The following XIRP2 variants were observed in gnomAD, a reference collection of about 807,000 sequenced individuals.
XIRP2 encodes xin actin binding repeat containing 2.
A neutral mutation model predicts 277.0 loss-of-function variants in XIRP2; 236 were observed. The ratio of observed to expected loss-of-function variants is 0.85; its 90% CI spans 0.77 to 0.95. The LOEUF is 0.95. Among genes scored for constraint, XIRP2 ranks in the 40% least tolerant of loss-of-function variants. XIRP2 has a pLI of 0.00. For synonymous variants in XIRP2, 1,490 were observed against 1,416.5 expected, an observed-to-expected ratio of 1.05 and a Z score of -1.17; for missense variants, 4,640 against 4,157.5, an observed-to-expected ratio of 1.12 and a Z score of -3.19.
At chr2:167,162,994 A>G (rs1388015706) in intron 3 of XIRP2, among the ~76,000 whole-genome samples, 1 of 152,140 alleles carries the variant, frequency 6.6e-6, no homozygotes, top group Non-Finnish European at 1.5e-5. Context: ...AATGTTGTTT[A>G]TATCAGAAGG....
rs150774982 is a variant in XIRP2 at position 166,947,170 on chromosome 2, A to C, written c.408+43280A>C. Among the ~76,000 whole-genome samples, 1,065 of 152,328 alleles carry C rather than the reference A, an allele frequency of 7.0e-3. 17 individuals are homozygous for C. The highest frequency in any genetic ancestry group is 0.024 in the African/African-American group (1,006 of 41,584). Reference sequence around the variant, plus strand: ...CAATACTGCATTATGTTTTCAAAAAAAAGGTGGCATTTAAAACACTTTTGA... The same window carrying C: ...CAATACTGCATTATGTTTTCAAAAACAAGGTGGCATTTAAAACACTTTTGA... On this transcript the variant is annotated intron_variant, in intron 2 of 10. Transcript: ENST00000409195.
At chr2:166,956,292 G>T (rs1686159658) in intron 2 of XIRP2, among the ~76,000 whole-genome samples, 1 of 151,796 alleles carries the variant, frequency 6.6e-6, no homozygotes, top group Non-Finnish European at 1.5e-5. Flanking sequence ...TAAATAGCTA[G>T]CAGTGAAGTT....
chr2:167,124,713 G>A (rs1691150736), intron 2 of XIRP2, among the ~76,000 whole-genome samples: 1 of 152,140 alleles, frequency 6.6e-6, no homozygotes, highest in East Asian at 1.9e-4. Flanking sequence ...TTCTTAGCTG[G>A]GGCATTTGGG....
At chr2:167,144,016 T>C (rs544992622) in intron 3 of XIRP2, among the ~76,000 whole-genome samples, 1 of 152,240 alleles carries the variant, frequency 6.6e-6, no homozygotes, top group Non-Finnish European at 1.5e-5. Context: ...AGACATTTAA[T>C]ATTAGAAATA....
At chr2:167,194,503 A>G (rs528915655) in intron 3 of XIRP2, among the ~76,000 whole-genome samples, 2 of 152,074 alleles carry the variant, frequency 1.3e-5, no homozygotes, top group Admixed American at 1.3e-4. Context: ...CATCTGAACT[A>G]TTTTCTGTAA....
At chr2:167,182,556 T>G (rs1573939266) in intron 3 of XIRP2, among the ~76,000 whole-genome samples, 4 of 152,290 alleles carry the variant, frequency 2.6e-5, no homozygotes, top group Admixed American at 2.6e-4. Context: ...TAGATTAAGG[T>G]CAGGATAAAT....
Position 167,007,007 on chromosome 2 carries a change from A to T in XIRP2, c.408+103117A>T, listed in dbSNP as rs571888410. Among the ~76,000 whole-genome samples, 8 of 151,834 alleles carry T rather than the reference A, an allele frequency of 5.3e-5. No homozygotes were observed. The South Asian group carries it at 1.7e-3, about 31-fold the overall frequency. On this transcript the variant is annotated intron_variant, in intron 2 of 10. Transcript: ENST00000409195. ...GAATTAAAACCCTCAGATATACCATACTAAAGGAAAAGCACCTGGTACAGT... is the reference window on the plus strand; with the variant it reads ...GAATTAAAACCCTCAGATATACCATTCTAAAGGAAAAGCACCTGGTACAGT...
Position 167,240,389 on chromosome 2 carries a change from C to T in XIRP2, c.970-275C>T, listed in dbSNP as rs534128079. Among the ~76,000 whole-genome samples the T allele has an allele frequency of 9.2e-5, 14 of 151,724 alleles. 1 individual carries two copies. Among genetic ancestry groups the T allele is most frequent in the African/African-American group, 2.7e-4 (11 of 41,374 alleles). ...GAGTTCGCGCCATTGCACTCCAGCCCGGGTGACAGTGCAAGACTCCTTCTC... is the reference window on the plus strand; with the variant it reads ...GAGTTCGCGCCATTGCACTCCAGCCTGGGTGACAGTGCAAGACTCCTTCTC... On this transcript the variant is annotated intron_variant, in intron 6 of 10. Transcript: ENST00000409195.
intron 2 of XIRP2, among the ~76,000 whole-genome samples, chr2:166,946,525 A>G (rs1382790893): frequency 1.3e-5 from 2 of 152,166 alleles, no homozygotes; most frequent in Non-Finnish European, 2.9e-5. Flanking sequence ...TATAGAAACA[A>G]CCAGATATGT....
intron 2 of XIRP2, among the ~76,000 whole-genome samples, chr2:166,962,021 C>T (rs1259944408): frequency 1.3e-5 from 2 of 151,484 alleles, no homozygotes. Flanking sequence ...GAAAAAGAGA[C>T]AATGAGTGGC....
At position 167,245,114 on chromosome 2, in the gene XIRP2, G is replaced by A. The variant is rs1695208369; in HGVS notation, c.3722G>A (p.Trp1241Ter). ...IQKGNVLNCR[W>*]LFENQPIDKI... ...AAAGGCAATGTTTTAAATTGTAGGT[G>A]GCTTTTTGAAAACCAACCAATTGAT... Residue 1241 changes from tryptophan to a stop codon, truncating the protein, a stop_gained, in exon 9 of 11, where the codon TGG becomes TAG. Coordinates refer to ENST00000409195, the MANE Select transcript of XIRP2 (RefSeq NM_152381.6). LOFTEE classifies it high-confidence loss of function. The A allele has an allele frequency of 6.2e-7, 1 of 1,610,504 alleles. No homozygotes were observed. Among genetic ancestry groups the A allele is most frequent in the Non-Finnish European group, 8.5e-7 (1 of 1,179,008 alleles).
intron 2 of XIRP2, among the ~76,000 whole-genome samples, chr2:166,974,606 A>T (rs1686663068): frequency 6.6e-6 from 1 of 152,060 alleles, no homozygotes; most frequent in Non-Finnish European, 1.5e-5. Flanking sequence ...AATGATAAAT[A>T]TTGCAAACAG....
intron 2 of XIRP2, among the ~76,000 whole-genome samples, chr2:167,106,085 C>T (rs12105903): frequency 0.29 from 44,448 of 150,954 alleles, 8,989 homozygotes; most frequent in African/African-American, 0.57. Flanking sequence ...TCACTTGACA[C>T]ATATGTGATT....
chr2:167,161,667 C>T (rs1238059825), intron 3 of XIRP2, among the ~76,000 whole-genome samples: 1 of 152,212 alleles, frequency 6.6e-6, no homozygotes, highest in African/African-American at 2.4e-5. Context: ...CTTTTTCCTC[C>T]TGCACCTCTG....
At chr2:166,958,926 C>A (rs969483292) in intron 2 of XIRP2, among the ~76,000 whole-genome samples, 1 of 151,752 alleles carries the variant, frequency 6.6e-6, no homozygotes, top group Non-Finnish European at 1.5e-5. Flanking sequence ...TCTATTCCAA[C>A]CTCTTCTTTG....
intron 2 of XIRP2, among the ~76,000 whole-genome samples, chr2:167,064,629 G>A (rs1020444107): frequency 2.0e-5 from 3 of 151,788 alleles, no homozygotes; most frequent in Non-Finnish European, 4.4e-5. Context: ...TTTTTCAAAT[G>A]AAATTTCTAT....
intron 2 of XIRP2, among the ~76,000 whole-genome samples, chr2:166,909,952 G>A (rs566598093): frequency 6.6e-6 from 1 of 152,276 alleles, no homozygotes; most frequent in East Asian, 1.9e-4. Context: ...TTGCATCCCA[G>A]GGATGAAGCC....
chr2:166,981,797 C>T (rs1237415649), intron 2 of XIRP2, among the ~76,000 whole-genome samples: 3 of 152,132 alleles, frequency 2.0e-5, no homozygotes, highest in Non-Finnish European at 4.4e-5. Context: ...ATACGAAGAC[C>T]CTATTTCCAA....
At chr2:167,079,984 A>G (rs1689684677) in intron 2 of XIRP2, among the ~76,000 whole-genome samples, 1 of 151,098 alleles carries the variant, frequency 6.6e-6, no homozygotes, top group Non-Finnish European at 1.5e-5. Context: ...TAGATTTTTA[A>G]TTTGAGATCT....
Sources: gnomAD v4.1 joint callset for allele counts (sites outside exome capture counted in the v4.1 genomes callset) on GRCh38, gnomAD v4.1.1 for gene constraint, MANE v1.5 for transcripts, NCBI Gene and HGNC (gene_info 2026-07-23, HGNC 2026-07-21) for gene names.